The following TRPS1 variants were observed in gnomAD, a reference collection of about 807,000 sequenced individuals.
TRPS1 encodes transcriptional repressor GATA binding 1.
Under a neutral mutation model 101.2 loss-of-function variants are expected in TRPS1, and 6 were observed. The observed-to-expected ratio is 0.06, with a 90% CI of 0.03 to 0.12. The LOEUF (loss-of-function observed/expected upper bound fraction) is 0.12. Ranked by LOEUF, TRPS1 falls within the 10% of genes least tolerant of loss-of-function variation. The pLI, the probability that TRPS1 is intolerant of heterozygous loss-of-function variation, is 1.00. For synonymous variants in TRPS1, 578 were observed against 589.8 expected (o/e 0.98, Z 0.29); for missense variants, 1,363 against 1,567.0 (o/e 0.87, Z 2.20).
chr8:115,551,747 A>G (rs758908014), intron 5 of TRPS1, among the ~76,000 whole-genome samples: 14 of 152,232 alleles, frequency 9.2e-5, no homozygotes, highest in South Asian at 4.1e-4. Context: ...GCAAAATATG[A>G]TTACATGGAA....
At chr8:115,459,123 G>T (rs1814100930) in intron 5 of TRPS1, among the ~76,000 whole-genome samples, 1 of 152,230 alleles carries the variant, frequency 6.6e-6, no homozygotes, top group African/African-American at 2.4e-5. Context: ...AGATCACGAG[G>T]TCAGGAGATC....
intron 5 of TRPS1, among the ~76,000 whole-genome samples, chr8:115,517,538 A>G (rs1370461675): frequency 7.1e-6 from 1 of 140,622 alleles, no homozygotes; most frequent in African/African-American, 2.7e-5. Flanking sequence ...TAACATTAAA[A>G]TAACATTATA....
chr8:115,608,496 T>G (rs1818089861), intron 3 of TRPS1, among the ~76,000 whole-genome samples: 1 of 152,236 alleles, frequency 6.6e-6, no homozygotes, highest in Non-Finnish European at 1.5e-5. Flanking sequence ...TGTATTTACA[T>G]CTGCCTGTAT....
rs148405696 is a variant in TRPS1 at position 115,556,077 on chromosome 8, T to C, written c.2700+30924A>G. Among the ~76,000 whole-genome samples, 57 of 152,156 alleles carry C rather than the reference T, an allele frequency of 3.7e-4. No individual in the cohort carries two copies. In the East Asian group the frequency reaches 0.011, roughly 29 times the overall value. On this transcript the variant is annotated intron_variant, in intron 5 of 6. Transcript: ENST00000395715. ...ACTTTCAAGACTAAGACACTAAGTG[T>C]GATTTCAATATATCCCAACTACTCT...
chr8:115,424,142 G>T (rs1164366486), intron 5 of TRPS1, among the ~76,000 whole-genome samples: 1 of 152,098 alleles, frequency 6.6e-6, no homozygotes, highest in Non-Finnish European at 1.5e-5. Flanking sequence ...GCCCTGATAG[G>T]CAGAATATTT....
intron 5 of TRPS1, among the ~76,000 whole-genome samples, chr8:115,557,307 T>A (rs776416075): frequency 6.6e-6 from 1 of 152,134 alleles, no homozygotes; most frequent in African/African-American, 2.4e-5. Context: ...CTCATCCTCA[T>A]ATGTCTCAAA....
At chr8:115,666,357 C>T (rs1040513414) in intron 1 of TRPS1, among the ~76,000 whole-genome samples, 5 of 151,766 alleles carry the variant, frequency 3.3e-5, no homozygotes, top group African/African-American at 7.3e-5. Context: ...ACAGGAAACG[C>T]TTCATCTTCC....
At chr8:115,667,934 A>C in intron 1 of TRPS1, 2 of 1,532,406 alleles carry the variant, frequency 1.3e-6, no homozygotes, top group Non-Finnish European at 1.7e-6. Context: ...GAAAACTTGC[A>C]GTGGCGGCGG....
chr8:115,608,636 C>T lies in TRPS1; in HGVS notation c.967-3634G>A, dbSNP rs1032978360. On this transcript the variant is annotated intron_variant, in intron 3 of 6. Coordinates refer to ENST00000395715, the MANE Select transcript of TRPS1 (RefSeq NM_014112.5). ...ACAACTTGTCATTTTATAGGATTAT[C>T]GTGAGGATCAAGTGAGAACTATGGA... is the stretch of plus-strand genomic sequence containing the variant. Among the ~76,000 whole-genome samples, 6 of 147,542 alleles carry T rather than the reference C, an allele frequency of 4.1e-5. 1 individual carries two copies. The highest frequency in any genetic ancestry group is 1.6e-4 in the African/African-American group (6 of 37,140).
At chr8:115,605,024 C>T (rs1818005277) in intron 3 of TRPS1, 22 bp from the exon 4 acceptor site, 1 of 1,609,812 alleles carries the variant, frequency 6.2e-7, no homozygotes, top group Non-Finnish European at 8.5e-7. Flanking sequence ...AAGAAATGGA[C>T]TTTACTTCCA....
chr8:115,448,944 GA>G (rs1273159865), intron 5 of TRPS1, among the ~76,000 whole-genome samples: 1 of 152,112 alleles, frequency 6.6e-6, no homozygotes, highest in Non-Finnish European at 1.5e-5. Context: ...AAGCAATCCT[GA>G]TTCAACGTAA....
chr8:115,460,759 A>T (rs2129970204), intron 5 of TRPS1, among the ~76,000 whole-genome samples: 1 of 152,286 alleles, frequency 6.6e-6, no homozygotes, highest in Non-Finnish European at 1.5e-5. Context: ...TGGACGACTA[A>T]CCAAACTTTC....
intron 5 of TRPS1, among the ~76,000 whole-genome samples, chr8:115,461,069 A>G (rs1814155851): frequency 6.6e-6 from 1 of 152,174 alleles, no homozygotes; most frequent in South Asian, 2.1e-4. Context: ...AAGGTTAACA[A>G]GTAGTCTGGC....
intron 5 of TRPS1, among the ~76,000 whole-genome samples, chr8:115,481,156 A>G (rs1814741454): frequency 6.6e-6 from 1 of 152,104 alleles, no homozygotes; most frequent in Non-Finnish European, 1.5e-5. Flanking sequence ...GGCAAATAAG[A>G]TATACACAGA....
intron 1 of TRPS1, among the ~76,000 whole-genome samples, chr8:115,652,873 G>A (rs1002315021): frequency 2.0e-5 from 3 of 152,146 alleles, no homozygotes; most frequent in East Asian, 1.9e-4. Context: ...TCCAAAATAG[G>A]TGACTACATT....
At chr8:115,602,063 C>A (rs1350934229) in intron 4 of TRPS1, among the ~76,000 whole-genome samples, 1 of 152,084 alleles carries the variant, frequency 6.6e-6, no homozygotes, top group Non-Finnish European at 1.5e-5. Context: ...CCCAGACATT[C>A]TCAAGCAATG....
intron 5 of TRPS1, among the ~76,000 whole-genome samples, chr8:115,498,154 A>G (rs886541019): frequency 1.6e-4 from 24 of 152,088 alleles, no homozygotes; most frequent in Admixed American, 4.6e-4. Context: ...AAGCTGGTGG[A>G]TCACTTGAGC....
intron 5 of TRPS1, among the ~76,000 whole-genome samples, chr8:115,531,441 A>G (rs1481705359): frequency 6.6e-6 from 1 of 152,184 alleles, no homozygotes; most frequent in Non-Finnish European, 1.5e-5. Flanking sequence ...TTTCAGCTCT[A>G]GGCCATGAGC....
intron 5 of TRPS1, among the ~76,000 whole-genome samples, chr8:115,423,145 A>G (rs1813109042): frequency 6.6e-6 from 1 of 152,240 alleles, no homozygotes; most frequent in African/African-American, 2.4e-5. Context: ...ACCCAAAGCT[A>G]CATGAGGCAG....
Sources: gnomAD v4.1 joint callset for allele counts (sites outside exome capture counted in the v4.1 genomes callset) on GRCh38, gnomAD v4.1.1 for gene constraint, MANE v1.5 for transcripts, NCBI Gene and HGNC (gene_info 2026-07-23, HGNC 2026-07-21) for gene names.